The following EXOC4 variants were observed in gnomAD, a reference collection of about 807,000 sequenced individuals.
EXOC4 encodes exocyst complex component 4.
In EXOC4, 71 loss-of-function variants were observed where a neutral mutation model predicts 107.2. That is an observed-to-expected ratio of 0.66 (90% CI 0.55 to 0.81). EXOC4 has a LOEUF of 0.81. Ranked by LOEUF, EXOC4 falls within the 30% of genes least tolerant of loss-of-function variation. EXOC4 has a pLI of 0.00. For missense variants in EXOC4, 1,108 were observed against 1,189.6 expected (o/e 0.93, Z 1.01); for synonymous variants, 456 against 441.2 (o/e 1.03, Z -0.42).
intron 14 of EXOC4, among the ~76,000 whole-genome samples, chr7:133,941,465 TA>T (rs1371762495): frequency 6.6e-6 from 1 of 152,156 alleles, no homozygotes; most frequent in African/African-American, 2.4e-5. Context: ...TAAAACTAAT[TA>T]TTTTTTTCCT....
chr7:133,637,942 T>G (rs1162761085), intron 10 of EXOC4, among the ~76,000 whole-genome samples: 1 of 152,148 alleles, frequency 6.6e-6, no homozygotes, highest in Non-Finnish European at 1.5e-5. Context: ...CCCATGTATC[T>G]ATGCACATTT....
At chr7:133,846,199 A>G (rs896390428) in intron 11 of EXOC4, among the ~76,000 whole-genome samples, 1 of 152,180 alleles carries the variant, frequency 6.6e-6, no homozygotes, top group Admixed American at 6.5e-5. Context: ...CATAAAATCC[A>G]TTTCTAGCCC....
At chr7:133,800,757 C>T (rs1420654905) in intron 10 of EXOC4, among the ~76,000 whole-genome samples, 1 of 152,172 alleles carries the variant, frequency 6.6e-6, no homozygotes, top group Non-Finnish European at 1.5e-5. Flanking sequence ...GACGTCTAGT[C>T]ATAACTTCAG....
At chr7:133,347,032 G>A (rs1795798180) in intron 5 of EXOC4, among the ~76,000 whole-genome samples, 2 of 152,092 alleles carry the variant, frequency 1.3e-5, no homozygotes, top group Admixed American at 1.3e-4. Flanking sequence ...CAAATATACT[G>A]AGCAAAGGAA....
In EXOC4 at chr7:134,037,375, A is replaced by G. The variant is rs1435733441; in HGVS notation, c.2688-26916A>G. Among the ~76,000 whole-genome samples the G allele has an allele frequency of 2.0e-5, 3 of 152,222 alleles. No individual in the cohort carries two copies. The East Asian group carries it at 5.8e-4, about 29-fold the overall frequency. On this transcript the variant is annotated intron_variant, in intron 17 of 17. Transcript: ENST00000253861. Reference sequence around the variant, plus strand: ...TGAAACACTTTGATTATAAAAAGAAATCAGATGATCAAAAAGCATGAGATG... The same window carrying G: ...TGAAACACTTTGATTATAAAAAGAAGTCAGATGATCAAAAAGCATGAGATG...
intron 10 of EXOC4, among the ~76,000 whole-genome samples, chr7:133,780,849 T>C (rs1275157444): frequency 2.0e-5 from 3 of 152,064 alleles, no homozygotes; most frequent in Non-Finnish European, 2.9e-5. Flanking sequence ...GCCACACCCC[T>C]GTTAGCATGT....
chr7:134,045,571 C>A (rs12707134), intron 17 of EXOC4, among the ~76,000 whole-genome samples: 1 of 152,048 alleles, frequency 6.6e-6, no homozygotes, highest in Non-Finnish European at 1.5e-5. Context: ...GTTAAGAAGT[C>A]AGGGTTCCAG....
intron 10 of EXOC4, chr7:133,732,483 A>C (rs1279794621): frequency 1.3e-5 from 2 of 152,316 alleles, no homozygotes; most frequent in Non-Finnish European, 2.9e-5. Context: ...AACAGAAAAA[A>C]GGCTGAATTT....
intron 4 of EXOC4, among the ~76,000 whole-genome samples, chr7:133,312,991 C>A (rs28708895): frequency 1.4e-3 from 213 of 152,224 alleles, no homozygotes; most frequent in African/African-American, 4.8e-3. Flanking sequence ...CATCGTCTAG[C>A]TCATGGAAGA....
At chr7:133,920,235 G>T (rs1375713013) in intron 13 of EXOC4, among the ~76,000 whole-genome samples, 1 of 152,164 alleles carries the variant, frequency 6.6e-6, no homozygotes, top group African/African-American at 2.4e-5. Flanking sequence ...GGTTATGGGT[G>T]TTCTTGTTCA....
chr7:134,016,908 G>C (rs937098943), intron 17 of EXOC4, among the ~76,000 whole-genome samples: 5 of 152,184 alleles, frequency 3.3e-5, no homozygotes, highest in Non-Finnish European at 7.3e-5. Flanking sequence ...GAGAATGTCT[G>C]TGGTCTCCTA....
chr7:133,586,049 G>A (rs537732678), intron 9 of EXOC4, among the ~76,000 whole-genome samples: 8 of 152,256 alleles, frequency 5.3e-5, no homozygotes, highest in African/African-American at 1.9e-4. Context: ...AAGGAGGAAA[G>A]GCAGGCATGA....
intron 11 of EXOC4, among the ~76,000 whole-genome samples, chr7:133,847,780 C>T (rs1798161691): frequency 6.6e-6 from 1 of 151,684 alleles, no homozygotes; most frequent in Non-Finnish European, 1.5e-5. Context: ...ATGATCTCGG[C>T]TCACTGCAAC....
intron 14 of EXOC4, among the ~76,000 whole-genome samples, chr7:133,976,289 A>G (rs1793830910): frequency 6.6e-6 from 1 of 152,230 alleles, no homozygotes; most frequent in Non-Finnish European, 1.5e-5. Flanking sequence ...CTTATTTAGA[A>G]AGGGGCCTGC....
At chr7:134,030,990 T>C (rs1795257994) in intron 17 of EXOC4, among the ~76,000 whole-genome samples, 1 of 152,122 alleles carries the variant, frequency 6.6e-6, no homozygotes, top group Non-Finnish European at 1.5e-5. Context: ...AAAAACATTG[T>C]GCTAAATGAG....
At chr7:134,038,763 G>A (rs1213426047) in intron 17 of EXOC4, among the ~76,000 whole-genome samples, 1 of 152,140 alleles carries the variant, frequency 6.6e-6, no homozygotes, top group African/African-American at 2.4e-5. Context: ...GCTGCTCCCA[G>A]TCTGTGTCAC....
chr7:133,607,338 A>T (rs1337795826), intron 9 of EXOC4, among the ~76,000 whole-genome samples: 1 of 152,252 alleles, frequency 6.6e-6, no homozygotes, highest in Non-Finnish European at 1.5e-5. Flanking sequence ...AAGTAAAGGC[A>T]CATTGCAGTT....
chr7:133,755,293 TTATATATATTA>T (rs1220948129), intron 10 of EXOC4, among the ~76,000 whole-genome samples: 42 of 122,258 alleles, frequency 3.4e-4, no homozygotes, highest in East Asian at 4.3e-4. Context: ...TATATACATA[TTATATATATTA>T]TATATATATT....
At chr7:133,316,266 ATCCT>A (rs1196378494) in intron 4 of EXOC4, among the ~76,000 whole-genome samples, 1 of 152,000 alleles carries the variant, frequency 6.6e-6, no homozygotes, top group Non-Finnish European at 1.5e-5. Flanking sequence ...AATTGCACAC[ATCCT>A]TCCTTCCTTC....
Sources: gnomAD v4.1 joint callset for allele counts (sites outside exome capture counted in the v4.1 genomes callset) on GRCh38, gnomAD v4.1.1 for gene constraint, MANE v1.5 for transcripts, NCBI Gene and HGNC (gene_info 2026-07-23, HGNC 2026-07-21) for gene names.